ATAD1: variants seen among roughly 807,000 people sequenced by gnomAD.
ATAD1 encodes ATPase family AAA domain containing 1.
Under a neutral mutation model 42.7 loss-of-function variants are expected in ATAD1, and 18 were observed. The observed-to-expected ratio is 0.42, with a 90% confidence interval of 0.29 to 0.63. The LOEUF is 0.63. ATAD1 is among the 20% of genes least tolerant of loss of function. The pLI, the probability that ATAD1 is intolerant of heterozygous loss-of-function variation, is 0.19. For missense variants in ATAD1, 294 were observed against 440.4 expected (o/e 0.67, Z 2.98); for synonymous variants, 132 against 143.1 (o/e 0.92, Z 0.55).
At chr10:87,771,497 A>G (rs550591734) in intron 6 of ATAD1, among the ~76,000 whole-genome samples, 2 of 152,240 alleles carry the variant, frequency 1.3e-5, no homozygotes, top group Non-Finnish European at 2.9e-5. Flanking sequence ...TTTCCCCTTA[A>G]TAAGTCTGAA....
intron 2 of ATAD1, among the ~76,000 whole-genome samples, chr10:87,800,047 G>A (rs1247402894): frequency 6.6e-6 from 1 of 150,628 alleles, no homozygotes; most frequent in African/African-American, 2.4e-5. Context: ...CAGAGTCCAA[G>A]CATGTCATGA....
intron 8 of ATAD1, among the ~76,000 whole-genome samples, chr10:87,762,705 T>G (rs1854539517): frequency 6.6e-6 from 1 of 151,382 alleles, no homozygotes; most frequent in Admixed American, 6.6e-5. Flanking sequence ...TGACCTCAGG[T>G]GATCTGCCTG....
At position 87,826,854 on chromosome 10, in the gene ATAD1, T is replaced by C. The variant is rs114218328; in HGVS notation, c.-13-12242A>G. 4.8e-3 allele frequency among the ~76,000 whole-genome samples: 736 copies of C among 152,344 alleles called. 8 individuals carry two copies. Among genetic ancestry groups the C allele is most frequent in the African/African-American group, 0.016 (656 of 41,570 alleles). On this transcript the variant is annotated intron_variant, in intron 1 of 4. Transcript: ENST00000495903. Reference sequence around the variant, plus strand: ...TTGTCTTATTTTTGATGACTAATCATATTTCTTCAGTTGAATCAATCAGAA... The same window carrying C: ...TTGTCTTATTTTTGATGACTAATCACATTTCTTCAGTTGAATCAATCAGAA...
intron 5 of ATAD1, among the ~76,000 whole-genome samples, chr10:87,780,071 T>A (rs930668537): frequency 1.3e-5 from 2 of 152,286 alleles, no homozygotes; most frequent in African/African-American, 4.8e-5. Context: ...AGGTGTCATT[T>A]TAATAGACGA....
intron 8 of ATAD1, among the ~76,000 whole-genome samples, chr10:87,759,547 T>A (rs1854384909): frequency 6.6e-6 from 1 of 152,230 alleles, no homozygotes; most frequent in Admixed American, 6.5e-5. Flanking sequence ...TTTTGACCAC[T>A]CCGTTGTTGG....
chr10:87,772,407 C>T (rs1855089319), intron 6 of ATAD1, among the ~76,000 whole-genome samples: 2 of 151,698 alleles, frequency 1.3e-5, no homozygotes, highest in South Asian at 4.2e-4. Context: ...AACACCACAC[C>T]CAGCCTCTTT....
intron 4 of ATAD1, among the ~76,000 whole-genome samples, chr10:87,789,444 G>A (rs922779070): frequency 2.6e-5 from 4 of 152,104 alleles, no homozygotes; most frequent in African/African-American, 4.8e-5. Flanking sequence ...GCACTAGCTG[G>A]GCACAATGGC....
At chr10:87,774,914 C>T (rs1396678030) in intron 6 of ATAD1, among the ~76,000 whole-genome samples, 1 of 152,096 alleles carries the variant, frequency 6.6e-6, no homozygotes, top group Non-Finnish European at 1.5e-5. Context: ...ATGTTCACGC[C>T]ACTGCATTCC....
chr10:87,780,128 G>T (rs1021532638), intron 5 of ATAD1, among the ~76,000 whole-genome samples: 1 of 152,134 alleles, frequency 6.6e-6, no homozygotes, highest in East Asian at 1.9e-4. Context: ...ATATTATTTA[G>T]CAATAAAAAT....
At chr10:87,770,053 T>C (rs1419485430) in intron 7 of ATAD1, among the ~76,000 whole-genome samples, 2 of 152,232 alleles carry the variant, frequency 1.3e-5, no homozygotes, top group African/African-American at 4.8e-5. Flanking sequence ...GTGCACACAC[T>C]TAACCACTTT....
At chr10:87,793,141 A>T (rs1229647099) in intron 2 of ATAD1, among the ~76,000 whole-genome samples, 1 of 152,168 alleles carries the variant, frequency 6.6e-6, no homozygotes, top group Non-Finnish European at 1.5e-5. Flanking sequence ...GGAGTTAAGG[A>T]GGGCAAGAAA....
intron 1 of ATAD1, among the ~76,000 whole-genome samples, chr10:87,816,140 C>T (rs1317383459): frequency 1.3e-5 from 2 of 152,100 alleles, no homozygotes; most frequent in Non-Finnish European, 2.9e-5. Context: ...AGTTTAAATC[C>T]TTATAAACAA....
At chr10:87,808,562 A>AAAAAC (rs1360613258) in intron 2 of ATAD1, among the ~76,000 whole-genome samples, 7 of 152,312 alleles carry the variant, frequency 4.6e-5, no homozygotes. Flanking sequence ...AGAAAACACA[A>AAAAAC]AAAACAAAAC....
At chr10:87,805,242 C>G (rs1856869989) in intron 2 of ATAD1, among the ~76,000 whole-genome samples, 1 of 152,138 alleles carries the variant, frequency 6.6e-6, no homozygotes, top group Non-Finnish European at 1.5e-5. Context: ...TATTCTAATT[C>G]CTTAATTCTT....
At chr10:87,767,544 G>C in intron 8 of ATAD1, 129 bp downstream of exon 8, 1 of 873,752 alleles carries the variant, frequency 1.1e-6, no homozygotes, top group Non-Finnish European at 1.9e-6. Context: ...ACCAGTACCA[G>C]TCTGTGGCTG....
At chr10:87,832,074 C>CTTTTTTTTTT (rs531545097) in intron 1 of ATAD1, 1 of 108,764 alleles carries the variant, frequency 9.2e-6, no homozygotes, top group Non-Finnish European at 1.8e-5. Context: ...ATTGTTATGG[C>CTTTTTTTTTT]TTTTTTTTTT....
At chr10:87,816,940 A>G (rs924715465) in intron 1 of ATAD1, among the ~76,000 whole-genome samples, 1 of 152,208 alleles carries the variant, frequency 6.6e-6, no homozygotes, top group Non-Finnish European at 1.5e-5. Context: ...ATTGAACTAC[A>G]TGAACAAATT....
chr10:87,799,794 TA>T lies in ATAD1; in HGVS notation c.163-7040del, dbSNP rs748674665. On this transcript the variant is annotated intron_variant, in intron 2 of 9. Coordinates refer to ENST00000680024, the MANE Select transcript of ATAD1 (RefSeq NM_001321967.2). The stretch of plus-strand genomic sequence containing the variant: ...TATTGTAGAAAAATATTTTTTTTTT[TA>T]AAAAGTGTGTCCTTTTTAAAAAGGT... 4.1e-3 allele frequency among the ~76,000 whole-genome samples: 321 copies of T among 78,398 alleles called. 3 individuals carry two copies. Among genetic ancestry groups the T allele is most frequent in the African/African-American group, 0.012 (271 of 22,446 alleles). The allele number at this position is 78,398 out of a possible 152,430, so 51.4% of individuals were successfully genotyped here. A position where few individuals can be genotyped will look rare whatever the true frequency, so the allele number is the denominator to read the frequency against.
Position 87,776,960 on chromosome 10 carries a change from G to A in ATAD1, c.584-533C>T, listed in dbSNP as rs185099162. 5.7e-3 allele frequency among the ~76,000 whole-genome samples: 861 copies of A among 152,196 alleles called. 11 individuals carry two copies. Among genetic ancestry groups the A allele is most frequent in the Non-Finnish European group, 6.4e-3 (435 of 67,998 alleles). The stretch of plus-strand genomic sequence containing the variant: ...ATTAAGAAAAATGAAAAGAAAAAAA[G>A]TGTTTTAAAGCTGAAAACTTTATGA... On this transcript the variant is annotated intron_variant, in intron 5 of 9. Coordinates refer to ENST00000680024, the MANE Select transcript of ATAD1 (RefSeq NM_001321967.2).
Sources: allele counts gnomAD v4.1 joint callset (sites outside exome capture counted in the v4.1 genomes callset), GRCh38; gene constraint gnomAD v4.1.1; transcripts MANE v1.5; gene names NCBI Gene and HGNC (gene_info 2026-07-23, HGNC 2026-07-21).